Variants in GLUL observed in about 807,000 individuals in gnomAD.
GLUL encodes the protein glutamate-ammonia ligase.
GLUL carries 8 observed loss-of-function variants against 36.9 expected under a neutral mutation model. The observed-to-expected ratio is 0.22, with a 90% CI of 0.13 to 0.39. The LOEUF is 0.39. Ranked by LOEUF, GLUL falls within the 10% of genes least tolerant of loss-of-function variation. The pLI, the probability that GLUL is intolerant of heterozygous loss-of-function variation, is 1.00. For missense variants in GLUL, 315 were observed against 501.8 expected (o/e 0.63, Z 3.56); for synonymous variants, 182 against 172.8 (o/e 1.05, Z -0.42).
chr1:182,387,829 AGAGAC>A (rs1292526699), intron 2 of GLUL, among the ~76,000 whole-genome samples: 2 of 152,236 alleles, frequency 1.3e-5, no homozygotes, highest in East Asian at 3.8e-4. Context: ...CTCTGAAGGC[AGAGAC>A]GAGACTCTCA....
chr1:182,386,961 C>CAT (rs1650208927), intron 3 of GLUL, 170 bp downstream of exon 3: 4 of 683,332 alleles, frequency 5.9e-6, no homozygotes, highest in Non-Finnish European at 8.1e-6. Flanking sequence ...AAAGATGGGC[C>CAT]ATATTATCTC....
In GLUL at chr1:182,379,053, A is replaced by G. The variant is rs1356590871; in HGVS notation, c.*5352T>C. Among the ~76,000 whole-genome samples, 2 of 152,164 alleles carry G rather than the reference A, an allele frequency of 1.3e-5. No homozygotes were observed. Among genetic ancestry groups the G allele is most frequent in the Middle Eastern group, 3.2e-3 (1 of 316 alleles). ...CACTTTGGCCTCCTACAGTGATGGG[A>G]TTACAGGCTTGAGCCACCATGCCCG... is the stretch of plus-strand genomic sequence containing the variant. On this transcript the variant is annotated 3_prime_UTR_variant, in exon 7 of 7. Coordinates refer to ENST00000331872, the MANE Select transcript of GLUL (RefSeq NM_001033044.4).
At chr1:182,386,182 C>T (rs566434722) in intron 4 of GLUL, 74 bp downstream of exon 4, 1 of 1,405,078 alleles carries the variant, frequency 7.1e-7, no homozygotes, top group Non-Finnish European at 1.0e-6. Flanking sequence ...AAAGTCATTC[C>T]CATCCCTGGG....
In GLUL at chr1:182,385,999, A is replaced by C. The variant is rs1244974314; in HGVS notation, c.476-112T>G. 4 of 1,155,638 alleles carry C rather than the reference A, an allele frequency of 3.5e-6. No homozygotes were observed. In the African/African-American group the frequency reaches 6.1e-5, roughly 18 times the overall value. 71.6% of individuals were successfully genotyped at this position (1,155,638 alleles called of 1,614,324 possible). On this transcript the variant is annotated intron_variant, in intron 4 of 6. Coordinates refer to ENST00000331872, the MANE Select transcript of GLUL (RefSeq NM_001033044.4). ...CTCTTGAATCACTATCCTTGCCTTCATCTGCAGGTGCGGGGCAGGGGAGGG... is the reference window on the plus strand; with the variant it reads ...CTCTTGAATCACTATCCTTGCCTTCCTCTGCAGGTGCGGGGCAGGGGAGGG...
intron 1 of GLUL, chr1:182,390,431 G>C: frequency 2.5e-6 from 1 of 398,508 alleles, no homozygotes; most frequent in Non-Finnish European, 4.4e-6. Context: ...AATGGATTCT[G>C]AAGTTTTCAG....
intron 2 of GLUL, among the ~76,000 whole-genome samples, chr1:182,387,841 C>T (rs191590674): frequency 6.6e-6 from 1 of 152,300 alleles, no homozygotes; most frequent in East Asian, 1.9e-4. Context: ...AGACGAGACT[C>T]TCACTTTGTA....
intron 6 of GLUL, chr1:182,384,971 T>C (rs893685182): frequency 7.7e-6 from 4 of 519,186 alleles, no homozygotes; most frequent in East Asian, 3.4e-5. Flanking sequence ...CATGCCTGTA[T>C]TGTTACTAAT....
rs1339064258 is a variant in GLUL, at chr1:182,383,664, C to T, written c.*741G>A. On this transcript the variant is annotated 3_prime_UTR_variant, in exon 7 of 7. Transcript: ENST00000331872. ...TTGTCTCAAATTTGGTGCCCCGTGACCTGGATGGTTTTTTCCTTTAGCAAA... is the reference window on the plus strand; with the variant it reads ...TTGTCTCAAATTTGGTGCCCCGTGATCTGGATGGTTTTTTCCTTTAGCAAA... 6.6e-6 allele frequency: 1 copy of T among 152,142 alleles called. No homozygotes were observed. The highest frequency in any genetic ancestry group is 1.5e-5 in the Non-Finnish European group (1 of 68,050). 9.4% of individuals were successfully genotyped at this position (152,142 alleles called of 1,614,324 possible).
rs1184789405 is a variant in GLUL, at chr1:182,380,583, A to T, written c.*3822T>A. Among the ~76,000 whole-genome samples the T allele has an allele frequency of 1.3e-5, 2 of 152,246 alleles. No individual in the cohort carries two copies. The highest frequency in any genetic ancestry group is 2.9e-5 in the Non-Finnish European group (2 of 68,046). ...AGTGTTGGGATCACAGGCGTAAGCC[A>T]CTTCACCTGGCCTTGATTCTTTTTA... On this transcript the variant is annotated 3_prime_UTR_variant, in exon 7 of 7. Coordinates refer to ENST00000331872, the MANE Select transcript of GLUL (RefSeq NM_001033044.4).
At position 182,380,141 on chromosome 1, in the gene GLUL, C is replaced by T. The variant is rs953438324; in HGVS notation, c.*4264G>A. Among the ~76,000 whole-genome samples, 1 of 152,320 alleles carries T rather than the reference C, an allele frequency of 6.6e-6. No individual in the cohort carries two copies. Among genetic ancestry groups the T allele is most frequent in the East Asian group, 1.9e-4 (1 of 5,188 alleles). On this transcript the variant is annotated 3_prime_UTR_variant, in exon 7 of 7. Transcript: ENST00000331872. ...GGGATTATAGGCATGAGCCACTGTGCCTGGCAGTTATAACTCTTAAAGCAA... is the reference window on the plus strand; with the variant it reads ...GGGATTATAGGCATGAGCCACTGTGTCTGGCAGTTATAACTCTTAAAGCAA...
At position 182,381,033 on chromosome 1, in the gene GLUL, T is replaced by C. The variant is rs769213307; in HGVS notation, c.*3372A>G. Reference sequence around the variant, plus strand: ...GGGAGGTGGAGGAGTTCAAGACCAGTTCAAGACCTCACTTTGGGAGATCAG... The same window carrying C: ...GGGAGGTGGAGGAGTTCAAGACCAGCTCAAGACCTCACTTTGGGAGATCAG... On this transcript the variant is annotated 3_prime_UTR_variant, in exon 7 of 7. Transcript: ENST00000331872. Among the ~76,000 whole-genome samples, 3 of 152,142 alleles carry C rather than the reference T, an allele frequency of 2.0e-5. No individual in the cohort carries two copies. The highest frequency in any genetic ancestry group is 4.4e-5 in the Non-Finnish European group (3 of 68,034).
rs1239321861 is a variant in GLUL at position 182,380,017 on chromosome 1, TG to T, written c.*4387del. On this transcript the variant is annotated 3_prime_UTR_variant, in exon 7 of 7. Coordinates refer to ENST00000331872, the MANE Select transcript of GLUL (RefSeq NM_001033044.4). ...GTGCCACCACGCCCGGCTAATTTTTTGTATTTAGTAGAGACACAGCTTGTTT... is the reference window on the plus strand; with the variant it reads ...GTGCCACCACGCCCGGCTAATTTTTTTATTTAGTAGAGACACAGCTTGTTT... 6.6e-6 allele frequency among the ~76,000 whole-genome samples: 1 copy of T among 151,930 alleles called. No homozygotes were observed.
Position 182,384,119 on chromosome 1 carries a change from C to G in GLUL, c.*286G>C, listed in dbSNP as rs886128808. On this transcript the variant is annotated 3_prime_UTR_variant, in exon 7 of 7. Coordinates refer to ENST00000331872, the MANE Select transcript of GLUL (RefSeq NM_001033044.4). ...AGCTACGCCTATTGGACAGGTGCACCCCATTAAATGGAAGCAGTGGTTATG... is the reference window on the plus strand; with the variant it reads ...AGCTACGCCTATTGGACAGGTGCACGCCATTAAATGGAAGCAGTGGTTATG... 1 of 426,636 alleles carries G rather than the reference C, an allele frequency of 2.3e-6. No homozygotes were observed. The highest frequency in any genetic ancestry group is 3.5e-5 in the Admixed American group (1 of 28,466). The allele number at this position is 426,636 out of a possible 1,614,324, so 26.4% of individuals were successfully genotyped here. A position where few individuals can be genotyped will look rare whatever the true frequency, so the allele number is the denominator to read the frequency against.
Position 182,385,174 on chromosome 1 carries a change from G to C in GLUL, c.803+183C>G, listed in dbSNP as rs1024904679. ...GGTATTTTTCAAATAGGAACAAAAT[G>C]AGAGAATGTGAAGGCAAGTGTCAAC... On this transcript the variant is annotated intron_variant, in intron 6 of 6. Coordinates refer to ENST00000331872, the MANE Select transcript of GLUL (RefSeq NM_001033044.4). The C allele has an allele frequency of 8.1e-6, 5 of 614,784 alleles. No homozygotes were observed. The East Asian group carries it at 1.1e-4, about 14-fold the overall frequency. 38.1% of individuals were successfully genotyped at this position (614,784 alleles called of 1,614,324 possible).
At chr1:182,388,427 A>G (rs1172871264) in intron 2 of GLUL, 145 bp downstream of exon 2, 2 of 737,852 alleles carry the variant, frequency 2.7e-6, no homozygotes, top group African/African-American at 1.7e-5. Context: ...CTTAATGTTG[A>G]CTGAATAAAG....
intron 1 of GLUL, chr1:182,391,136 G>A (rs927773127): frequency 5.0e-6 from 2 of 398,448 alleles, no homozygotes; most frequent in African/African-American, 4.1e-5. Flanking sequence ...AGGCCCCCGG[G>A]ACCCCGAGGC....
Position 182,382,048 on chromosome 1 carries a change from T to C in GLUL, c.*2357A>G, listed in dbSNP as rs188390414. ...GACTAGTGTAAAATACACAGTTGCC[T>C]GAAGAACTTATCTCTAAAAACTATC... is the stretch of plus-strand genomic sequence containing the variant. On this transcript the variant is annotated 3_prime_UTR_variant, in exon 7 of 7. Coordinates refer to ENST00000331872, the MANE Select transcript of GLUL (RefSeq NM_001033044.4). 1 of 152,324 alleles carries C rather than the reference T, an allele frequency of 6.6e-6. No individual in the cohort carries two copies. Among genetic ancestry groups the C allele is most frequent in the African/African-American group, 2.4e-5 (1 of 41,572 alleles). 9.4% of individuals were successfully genotyped at this position (152,324 alleles called of 1,614,324 possible).
chr1:182,389,792 A>C (rs1650331164), intron 1 of GLUL: 1 of 152,298 alleles, frequency 6.6e-6, no homozygotes, highest in South Asian at 2.1e-4. Context: ...TCTGAAGTAC[A>C]GTGGCAAAGT....
Position 182,386,248 on chromosome 1 carries a change from A to C in GLUL, c.475+8T>G. On this transcript the variant is annotated splice_region_variant and intron_variant, in intron 4 of 6. Coordinates refer to ENST00000331872, the MANE Select transcript of GLUL (RefSeq NM_001033044.4). ...TGGGAATTTCACCTCTAACCCAAGG[A>C]GACTTACCCTGGGGCCCTGGGAAGC... 1 of 1,612,138 alleles carries C rather than the reference A, an allele frequency of 6.2e-7. No individual in the cohort carries two copies. The highest frequency in any genetic ancestry group is 2.2e-5 in the East Asian group (1 of 44,878).
Sources: gnomAD v4.1 joint callset for allele counts (sites outside exome capture counted in the v4.1 genomes callset) on GRCh38, gnomAD v4.1.1 for gene constraint, MANE v1.5 for transcripts, NCBI Gene and HGNC (gene_info 2026-07-23, HGNC 2026-07-21) for gene names.